DAB1: variants seen among roughly 807,000 people sequenced by gnomAD.
DAB1 encodes disabled homolog 1.
Under a neutral mutation model 64.6 loss-of-function variants are expected in DAB1, and 15 were observed. The ratio of observed to expected loss-of-function variants is 0.23; its 90% CI spans 0.16 to 0.36. DAB1 has a LOEUF of 0.36. Among genes scored for constraint, DAB1 ranks in the 10% least tolerant of loss-of-function variants. DAB1 has a pLI of 1.00. For synonymous variants in DAB1, 235 were observed against 251.9 expected (o/e 0.93, Z 0.64); for missense variants, 596 against 706.7 (o/e 0.84, Z 1.78).
intron 2 of DAB1, among the ~76,000 whole-genome samples, chr1:57,149,750 T>C (rs538523922): frequency 2.3e-4 from 35 of 152,312 alleles, no homozygotes; most frequent in African/African-American, 8.2e-4. Flanking sequence ...GGGCTTCCTA[T>C]GACCTACCTC....
chr1:58,263,671 G>C (rs1185381318), intron 4 of DAB1, among the ~76,000 whole-genome samples: 1 of 152,156 alleles, frequency 6.6e-6, no homozygotes, highest in Non-Finnish European at 1.5e-5. Context: ...CAACATAGTG[G>C]AATGTCAATA....
At position 58,301,491 on chromosome 1, in the gene DAB1, C is replaced by T. The variant is rs184432837; in HGVS notation, n.309+41861G>A. 7.1e-4 allele frequency among the ~76,000 whole-genome samples: 105 copies of T among 148,092 alleles called. 3 individuals carry two copies. The South Asian group carries it at 0.011, about 15-fold the overall frequency. ...CTTAGAACATTGTGAGATTATTTTG[C>T]GAATTTTTTTTTTAGCTCATCAGCT... On this transcript the variant is annotated intron_variant and non_coding_transcript_variant, in intron 4 of 20. Transcript: ENST00000485760.
chr1:58,159,661 G>C (rs1317125895), intron 4 of DAB1, among the ~76,000 whole-genome samples: 1 of 152,236 alleles, frequency 6.6e-6, no homozygotes, highest in Non-Finnish European at 1.5e-5. Flanking sequence ...CAGGAAGTGA[G>C]AACTGGGTTG....
At chr1:58,488,608 T>A (rs1645617822) in intron 3 of DAB1, among the ~76,000 whole-genome samples, 1 of 152,062 alleles carries the variant, frequency 6.6e-6, no homozygotes, top group Admixed American at 6.5e-5. Context: ...TGAGCCACCA[T>A]GTCTCGCTAA....
intron 12 of DAB1, among the ~76,000 whole-genome samples, chr1:57,014,125 T>C (rs1208060095): frequency 6.6e-6 from 1 of 152,220 alleles, no homozygotes; most frequent in Non-Finnish European, 1.5e-5. Context: ...CATATACCAT[T>C]GAATCCTTTT....
chr1:57,566,053 A>T (rs1291603954), intron 7 of DAB1, among the ~76,000 whole-genome samples: 1 of 152,226 alleles, frequency 6.6e-6, no homozygotes, highest in Admixed American at 6.5e-5. Context: ...AAATTAAAAG[A>T]ACAGAAATTG....
At chr1:58,217,614 T>C (rs1658925301) in intron 4 of DAB1, among the ~76,000 whole-genome samples, 1 of 152,192 alleles carries the variant, frequency 6.6e-6, no homozygotes, top group African/African-American at 2.4e-5. Context: ...TTTACTGACT[T>C]ATCTGATTTA....
intron 5 of DAB1, among the ~76,000 whole-genome samples, chr1:57,932,468 AT>A (rs61202343): frequency 0.015 from 2,200 of 143,432 alleles, 22 homozygotes; most frequent in African/African-American, 0.035. Flanking sequence ...AGCCCAGCTA[AT>A]TTTTTTTTTT....
intron 4 of DAB1, among the ~76,000 whole-genome samples, chr1:57,105,160 G>A (rs566858217): frequency 2.0e-5 from 3 of 151,962 alleles, no homozygotes; most frequent in African/African-American, 7.3e-5. Context: ...GGTCTTTGTA[G>A]GCAAATCTGG....
At chr1:57,578,871 A>T (rs1645280599) in intron 7 of DAB1, among the ~76,000 whole-genome samples, 2 of 152,210 alleles carry the variant, frequency 1.3e-5, no homozygotes, top group African/African-American at 4.8e-5. Flanking sequence ...CTGAAGTGAG[A>T]CAGTCAAGCC....
intron 7 of DAB1, among the ~76,000 whole-genome samples, chr1:57,550,863 G>A (rs985708861): frequency 2.6e-5 from 4 of 152,146 alleles, no homozygotes; most frequent in Admixed American, 2.6e-4. Flanking sequence ...CACCTGTAGA[G>A]GAGAAATGAA....
chr1:57,987,113 A>G (rs1021515150), intron 5 of DAB1, among the ~76,000 whole-genome samples: 1 of 152,158 alleles, frequency 6.6e-6, no homozygotes, highest in African/African-American at 2.4e-5. Flanking sequence ...TATTTTTAAA[A>G]TAGAACTAAA....
At chr1:58,446,194 C>T (rs1483221481) in intron 3 of DAB1, among the ~76,000 whole-genome samples, 2 of 152,138 alleles carry the variant, frequency 1.3e-5, no homozygotes. Flanking sequence ...TCGTCTTGTG[C>T]ACTAGATTAT....
Position 57,490,035 on chromosome 1 carries a change from G to A in DAB1, n.625+159557C>T, listed in dbSNP as rs561810115. On this transcript the variant is annotated intron_variant and non_coding_transcript_variant, in intron 7 of 20. Transcript: ENST00000485760. ...GGGGCCCAAGAAAGCTGCCTTGTCC[G>A]CTTCCACCATGTGAGAACACAGCAA... is the stretch of plus-strand genomic sequence containing the variant. 8.5e-4 allele frequency among the ~76,000 whole-genome samples: 129 copies of A among 152,246 alleles called. 2 individuals carry two copies. The South Asian group carries it at 0.024, about 28-fold the overall frequency.
At chr1:58,032,325 T>A (rs1267970189) in intron 5 of DAB1, among the ~76,000 whole-genome samples, 1 of 152,166 alleles carries the variant, frequency 6.6e-6, no homozygotes, top group African/African-American at 2.4e-5. Flanking sequence ...GTATGGCACA[T>A]AACAGGTAAT....
rs1646140243 is a variant in DAB1 at position 57,984,189 on chromosome 1, AAAGAAAGAAAGAAAGAAAGAAAG to A, written n.388-100050_388-100028del. On this transcript the variant is annotated intron_variant and non_coding_transcript_variant, in intron 5 of 20. Coordinates refer to the DAB1 transcript ENST00000485760. The stretch of plus-strand genomic sequence containing the variant: ...GGCCCAGGACTAGCTTAAAAAAAAG[AAAGAAAGAAAGAAAGAAAGAAAG>A]AAAGAAAGAAAGAAAGAAAGAAAGA... Among the ~76,000 whole-genome samples, 203 of 101,860 alleles carry A rather than the reference AAAGAAAGAAAGAAAGAAAGAAAG, an allele frequency of 2.0e-3. 4 individuals are homozygous for A. The highest frequency in any genetic ancestry group is 4.9e-3 in the Middle Eastern group (1 of 206). 66.8% of individuals were successfully genotyped at this position (101,860 alleles called of 152,430 possible). A position where few individuals can be genotyped will look rare whatever the true frequency, so the allele number is the denominator to read the frequency against.
At chr1:57,722,409 G>A (rs150365640) in intron 6 of DAB1, among the ~76,000 whole-genome samples, 44 of 152,266 alleles carry the variant, frequency 2.9e-4, no homozygotes, top group African/African-American at 8.9e-4. Flanking sequence ...AATACTTGGC[G>A]TATACACTAC....
At position 58,420,966 on chromosome 1, in the gene DAB1, C is replaced by T. The variant is rs140993750; in HGVS notation, n.258-77563G>A. Among the ~76,000 whole-genome samples the T allele has an allele frequency of 8.5e-5, 13 of 152,260 alleles. No individual in the cohort carries two copies. The East Asian group carries it at 2.5e-3, about 29-fold the overall frequency. On this transcript the variant is annotated intron_variant and non_coding_transcript_variant, in intron 3 of 20. Transcript: ENST00000485760. ...CCAGGCCTCATTTCCATTGTATTTA[C>T]CCTAATGCATGAAAGAAAACCAGAA...
chr1:57,824,242 C>T (rs1184479723), downstream of DAB1, among the ~76,000 whole-genome samples: 1 of 152,100 alleles, frequency 6.6e-6, no homozygotes, highest in South Asian at 2.1e-4. Flanking sequence ...TTGGTTCCAG[C>T]GTCCATAGCA....
Sources: gnomAD v4.1 joint callset for allele counts (sites outside exome capture counted in the v4.1 genomes callset) on GRCh38, gnomAD v4.1.1 for gene constraint, MANE v1.5 for transcripts, NCBI Gene and HGNC (gene_info 2026-07-23, HGNC 2026-07-21) for gene names.